Variants in MYO3A observed in about 807,000 individuals in gnomAD.
The protein encoded by MYO3A is myosin-IIIa.
In MYO3A, 180 loss-of-function variants were observed where a neutral mutation model predicts 192.7. The ratio of observed to expected loss-of-function variants is 0.93; its 90% CI spans 0.83 to 1.06. The LOEUF is 1.06. Among genes scored for constraint, MYO3A ranks in the 50% least tolerant of loss-of-function variants. The pLI, the probability that MYO3A is intolerant of heterozygous loss-of-function variation, is 0.00. For synonymous variants in MYO3A, 628 were observed against 645.3 expected, an observed-to-expected ratio of 0.97 and a Z score of 0.41; for missense variants, 1,896 against 1,905.0, an observed-to-expected ratio of 1.00 and a Z score of 0.09.
chr10:26,028,386 C>T (rs1258252851), intron 10 of MYO3A, among the ~76,000 whole-genome samples: 2 of 152,182 alleles, frequency 1.3e-5, no homozygotes, highest in Non-Finnish European at 1.5e-5. Context: ...TTTGAGTTTA[C>T]AGCCTTGCTG....
At chr10:25,957,165 A>G (rs181381083) in intron 4 of MYO3A, among the ~76,000 whole-genome samples, 321 of 152,184 alleles carry the variant, frequency 2.1e-3, no homozygotes, top group African/African-American at 7.1e-3. Context: ...CTGTGTCCCC[A>G]CCCAAACCTC....
chr10:26,112,352 C>A (rs1838240869), intron 17 of MYO3A, among the ~76,000 whole-genome samples: 1 of 152,182 alleles, frequency 6.6e-6, no homozygotes, highest in African/African-American at 2.4e-5. Context: ...CAGAAACTGT[C>A]CCAGTTTGGA....
At chr10:26,025,727 C>T (rs1395395007) in intron 9 of MYO3A, among the ~76,000 whole-genome samples, 1 of 152,192 alleles carries the variant, frequency 6.6e-6, no homozygotes, top group Non-Finnish European at 1.5e-5. Context: ...TTCAAATGCT[C>T]CTCCTGTGCT....
At chr10:26,089,638 T>C (rs1453489656) in intron 15 of MYO3A, among the ~76,000 whole-genome samples, 6 of 151,876 alleles carry the variant, frequency 4.0e-5, no homozygotes, top group Non-Finnish European at 1.5e-5. Flanking sequence ...ATTAAACACA[T>C]ATGGCTTTCA....
chr10:25,981,463 C>A (rs1283556039), intron 4 of MYO3A, among the ~76,000 whole-genome samples: 1 of 152,082 alleles, frequency 6.6e-6, no homozygotes, highest in African/African-American at 2.4e-5. Flanking sequence ...CAATTTAGAG[C>A]TTCTGCTCTT....
At position 26,102,871 on chromosome 10, in the gene MYO3A, C is replaced by T. The variant is rs960496839; in HGVS notation, c.1776+6189C>T. ...TCAGGGACCCACTTGAGGAGGCAGTCTATCCATTCTCAGATCTCAAACTCC... is the reference window on the plus strand; with the variant it reads ...TCAGGGACCCACTTGAGGAGGCAGTTTATCCATTCTCAGATCTCAAACTCC... On this transcript the variant is annotated intron_variant, in intron 17 of 34. Coordinates refer to ENST00000642920, the MANE Select transcript of MYO3A (RefSeq NM_017433.5). 3.9e-5 allele frequency among the ~76,000 whole-genome samples: 6 copies of T among 152,228 alleles called. No individual in the cohort carries two copies. In the East Asian group the frequency reaches 1.2e-3, roughly 29 times the overall value.
chr10:26,108,283 A>G lies in MYO3A; in HGVS notation c.1776+11601A>G, dbSNP rs536588656. The stretch of plus-strand genomic sequence containing the variant: ...CCGCAATTTGTTGAATTTTGATTTC[A>G]TTTTCATAAATGACACTCCTGCAGC... On this transcript the variant is annotated intron_variant, in intron 17 of 34. Coordinates refer to ENST00000642920, the MANE Select transcript of MYO3A (RefSeq NM_017433.5). Among the ~76,000 whole-genome samples the G allele has an allele frequency of 1.5e-3, 228 of 152,268 alleles. 1 individual carries two copies. Among genetic ancestry groups the G allele is most frequent in the Admixed American group, 3.3e-3 (51 of 15,296 alleles).
At chr10:26,102,433 C>T (rs939091651) in intron 17 of MYO3A, among the ~76,000 whole-genome samples, 5 of 152,180 alleles carry the variant, frequency 3.3e-5, no homozygotes, top group East Asian at 3.9e-4. Context: ...AGCTTTGTTC[C>T]GTTGCTGGTG....
chr10:26,032,769 T>C (rs1043163276), intron 10 of MYO3A, among the ~76,000 whole-genome samples: 1 of 152,082 alleles, frequency 6.6e-6, no homozygotes, highest in Non-Finnish European at 1.5e-5. Context: ...AACAAAAAAA[T>C]AGGAAGTAAT....
chr10:26,043,738 AG>A (rs1843485735), intron 10 of MYO3A, among the ~76,000 whole-genome samples: 2 of 152,316 alleles, frequency 1.3e-5, no homozygotes, highest in South Asian at 4.1e-4. Context: ...AGCCCAGGGC[AG>A]GTTCATAAAT....
chr10:26,058,377 CT>C (rs1834251922), intron 10 of MYO3A, among the ~76,000 whole-genome samples: 2 of 152,182 alleles, frequency 1.3e-5, no homozygotes, highest in South Asian at 4.2e-4. Context: ...ATGTATTTAC[CT>C]ATTTCTTCCT....
chr10:26,123,787 G>C (rs908194379), intron 18 of MYO3A, among the ~76,000 whole-genome samples: 1 of 152,088 alleles, frequency 6.6e-6, no homozygotes, highest in Non-Finnish European at 1.5e-5. Context: ...ATAGCCAGGC[G>C]TGGTGGCGGG....
At position 26,096,669 on chromosome 10, in the gene MYO3A, G is replaced by C. The variant is rs376616951; in HGVS notation, c.1763G>C (p.Gly588Ala). Residue 588 changes from glycine (G) to alanine (A), a missense_variant, in exon 17 of 35, where the codon GGT becomes GCT. Physicochemically the swap from Gly to Ala is moderately conservative, Grantham distance 60. Coordinates refer to ENST00000642920, the MANE Select transcript of MYO3A (RefSeq NM_017433.5). ...ELIEQCFKVI[G>A]FTMEQLGSIY... is the part of the protein sequence containing the mutation. ...ATTGAGCAATGTTTCAAAGTCATAGGTTTTACAATGGAGGTAAGTATGAAA... is the reference window on the plus strand; with the variant it reads ...ATTGAGCAATGTTTCAAAGTCATAGCTTTTACAATGGAGGTAAGTATGAAA... The C allele has an allele frequency of 6.4e-7, 1 of 1,571,676 alleles. No individual in the cohort carries two copies. Among genetic ancestry groups the C allele is most frequent in the African/African-American group, 1.4e-5 (1 of 73,902 alleles).
chr10:26,123,984 G>A (rs945544869), intron 18 of MYO3A, among the ~76,000 whole-genome samples: 1 of 151,760 alleles, frequency 6.6e-6, no homozygotes, highest in African/African-American at 2.4e-5. Context: ...AGGAGTTCGA[G>A]GCCAGCCTGG....
intron 7 of MYO3A, among the ~76,000 whole-genome samples, chr10:26,021,049 A>G (rs1183449979): frequency 2.0e-5 from 3 of 152,214 alleles, no homozygotes; most frequent in Non-Finnish European, 4.4e-5. Flanking sequence ...AGTAGAGACC[A>G]AGGCCATCTA....
intron 17 of MYO3A, among the ~76,000 whole-genome samples, chr10:26,113,540 G>A (rs576299165): frequency 8.6e-5 from 13 of 151,520 alleles, no homozygotes; most frequent in Non-Finnish European, 1.9e-4. Context: ...ATTCCATTTG[G>A]TTTGTTGTTT....
chr10:25,980,725 G>A (rs1250290209), intron 4 of MYO3A, among the ~76,000 whole-genome samples: 1 of 152,010 alleles, frequency 6.6e-6, no homozygotes, highest in East Asian at 1.9e-4. Context: ...AAACAAATTG[G>A]TAGACTTTAT....
intron 4 of MYO3A, among the ~76,000 whole-genome samples, chr10:25,961,882 A>G (rs563760582): frequency 6.6e-6 from 1 of 152,284 alleles, no homozygotes; most frequent in Admixed American, 6.5e-5. Context: ...GTCCATTTAA[A>G]TTATTTTGCA....
At chr10:26,128,251 T>C in intron 19 of MYO3A, 140 bp from the exon 20 acceptor site, 1 of 800,640 alleles carries the variant, frequency 1.2e-6, no homozygotes, top group Non-Finnish European at 2.1e-6. Context: ...AGAAGCTATT[T>C]CAGTTAAGAA....
Sources: gnomAD v4.1 joint callset for allele counts (sites outside exome capture counted in the v4.1 genomes callset) on GRCh38, gnomAD v4.1.1 for gene constraint, MANE v1.5 for transcripts, NCBI Gene and HGNC (gene_info 2026-07-23, HGNC 2026-07-21) for gene names.